The following GRAMD1B variants were observed in gnomAD, a reference collection of about 807,000 sequenced individuals.
GRAMD1B encodes the protein protein Aster-B.
Under a neutral mutation model 99.7 loss-of-function variants are expected in GRAMD1B, and 37 were observed. The observed-to-expected ratio is 0.37, with a 90% CI of 0.29 to 0.49. The LOEUF is 0.49. Ranked by LOEUF, GRAMD1B falls within the 20% of genes least tolerant of loss-of-function variation. The pLI, the probability that GRAMD1B is intolerant of heterozygous loss-of-function variation, is 0.98. For missense variants in GRAMD1B, 888 were observed against 1,009.2 expected (o/e 0.88, Z 1.63); for synonymous variants, 427 against 387.6 (o/e 1.10, Z -1.19).
At chr11:123,372,830 G>T (rs1261223393) in intron 1 of GRAMD1B, among the ~76,000 whole-genome samples, 1 of 152,178 alleles carries the variant, frequency 6.6e-6, no homozygotes, top group East Asian at 1.9e-4. Flanking sequence ...AACAGGCAGA[G>T]ATTTGTGTTA....
chr11:123,485,025 C>T (rs951211307), intron 2 of GRAMD1B, among the ~76,000 whole-genome samples: 1 of 152,286 alleles, frequency 6.6e-6, no homozygotes, highest in South Asian at 2.1e-4. Flanking sequence ...GGCGGCATTT[C>T]CTGCACTGGT....
rs1955410474 is a variant in GRAMD1B at position 123,624,910 on chromosome 11, G to A, written c.*2315G>A. Reference sequence around the variant, plus strand: ...TCAGGACCATTCCCAGGAGGAAAAGGTGGCAGAGAGGGCAGTACTGAGTAT... The same window carrying A: ...TCAGGACCATTCCCAGGAGGAAAAGATGGCAGAGAGGGCAGTACTGAGTAT... On this transcript the variant is annotated 3_prime_UTR_variant, in exon 20 of 20. Coordinates refer to ENST00000635736, the MANE Select transcript of GRAMD1B (RefSeq NM_001387025.1). 1 of 152,292 alleles carries A rather than the reference G, an allele frequency of 6.6e-6. No homozygotes were observed. Among genetic ancestry groups the A allele is most frequent in the South Asian group, 2.1e-4 (1 of 4,824 alleles). The allele number at this position is 152,292 out of a possible 1,614,324, so 9.4% of individuals were successfully genotyped here. A position where few individuals can be genotyped will look rare whatever the true frequency, so the allele number is the denominator to read the frequency against.
At chr11:123,604,929 T>C (rs1952500344) in intron 9 of GRAMD1B, among the ~76,000 whole-genome samples, 1 of 152,208 alleles carries the variant, frequency 6.6e-6, no homozygotes. Context: ...AGTCCTGTCT[T>C]CGTCACCGTT....
intron 1 of GRAMD1B, among the ~76,000 whole-genome samples, chr11:123,470,263 C>A (rs1419634632): frequency 6.6e-6 from 1 of 152,214 alleles, no homozygotes; most frequent in African/African-American, 2.4e-5. Context: ...ATCTCCAACT[C>A]ATCACACAAA....
chr11:123,510,566 C>T lies in GRAMD1B; in HGVS notation c.452+29673C>T, dbSNP rs1028943942. Among the ~76,000 whole-genome samples the T allele has an allele frequency of 6.6e-6, 1 of 152,150 alleles. No homozygotes were observed. The highest frequency in any genetic ancestry group is 1.5e-5 in the Non-Finnish European group (1 of 68,032). Reference sequence around the variant, plus strand: ...AGTGGAAATAGGTGTCTTATTTTCCCCAGCCTTCCAGAGGGGTGGTTTGTT... The same window carrying T: ...AGTGGAAATAGGTGTCTTATTTTCCTCAGCCTTCCAGAGGGGTGGTTTGTT... On this transcript the variant is annotated intron_variant, in intron 2 of 19. Coordinates refer to ENST00000635736, the MANE Select transcript of GRAMD1B (RefSeq NM_001387025.1). This position sits in a 1 kb window ranked among gnomAD's most constrained non-coding sequence, Gnocchi z 4.3.
In GRAMD1B at chr11:123,614,802, G is replaced by A. The variant is rs1954123025; in HGVS notation, c.2285G>A (p.Ser762Asn). Residue 762 changes from serine (S) to asparagine (N), a missense_variant, in exon 17 of 20, where the codon AGC becomes AAC. This residue lies in a region of GRAMD1B where 232 missense variants were observed against 261.7 expected (regional missense o/e 0.89). Coordinates refer to ENST00000635736, the MANE Select transcript of GRAMD1B (RefSeq NM_001387025.1). ...EDTPNGFHLQ[S>N]VSKLLLVISC... is the part of the protein sequence containing the mutation. ...ACCCCCAACGGTTTCCACCTGCAGA[G>A]CGTGTCCAAGCTGCTGCTGGTTATC... 1 of 1,611,726 alleles carries A rather than the reference G, an allele frequency of 6.2e-7. No homozygotes were observed. The highest frequency in any genetic ancestry group is 8.5e-7 in the Non-Finnish European group (1 of 1,177,974).
chr11:123,435,519 G>A, intron 1 of GRAMD1B: 1 of 689,252 alleles, frequency 1.5e-6, no homozygotes, highest in Admixed American at 2.1e-5. Flanking sequence ...CCCTAGGAAG[G>A]AAGAAGTGGA....
intron 2 of GRAMD1B, among the ~76,000 whole-genome samples, chr11:123,497,900 CA>C (rs34168499): frequency 0.22 from 24,044 of 110,158 alleles, 2,085 homozygotes; most frequent in African/African-American, 0.26. Flanking sequence ...GAATCTGTCT[CA>C]AAAAAAAAAA....
intron 1 of GRAMD1B, among the ~76,000 whole-genome samples, chr11:123,377,701 A>T (rs1349228558): frequency 6.6e-6 from 1 of 152,240 alleles, no homozygotes; most frequent in Non-Finnish European, 1.5e-5. Flanking sequence ...TGCAAGTAAC[A>T]TTCAGAAGAG....
intron 2 of GRAMD1B, among the ~76,000 whole-genome samples, chr11:123,493,104 A>G (rs1409564795): frequency 2.0e-5 from 3 of 152,196 alleles, no homozygotes; most frequent in Non-Finnish European, 4.4e-5. Flanking sequence ...ATGTGGTGCA[A>G]GGACAAGATT....
At chr11:123,620,342 C>A (rs144718115) in intron 19 of GRAMD1B, among the ~76,000 whole-genome samples, 1 of 151,878 alleles carries the variant, frequency 6.6e-6, no homozygotes, top group Non-Finnish European at 1.5e-5. Flanking sequence ...TGTATGGTGG[C>A]GCACACCTGT....
chr11:123,609,653 C>T (rs948463513), intron 12 of GRAMD1B, 142 bp from the exon 13 acceptor site: 11 of 596,356 alleles, frequency 1.8e-5, no homozygotes, highest in African/African-American at 9.3e-5. Flanking sequence ...ACCCTCCCCC[C>T]GGCCCTCGGG....
intron 9 of GRAMD1B, 117 bp from the exon 10 acceptor site, chr11:123,605,205 A>G (rs1478620032): frequency 1.5e-6 from 1 of 681,190 alleles, no homozygotes; most frequent in Non-Finnish European, 2.2e-6. Flanking sequence ...TCATACACAA[A>G]GCAAAGAAGC....
chr11:123,607,016 C>T (rs143851643), intron 11 of GRAMD1B, among the ~76,000 whole-genome samples: 7 of 152,226 alleles, frequency 4.6e-5, no homozygotes, highest in African/African-American at 1.4e-4. Context: ...GTCATTTAGT[C>T]TTGTCACTAA....
intron 2 of GRAMD1B, among the ~76,000 whole-genome samples, chr11:123,514,865 T>A (rs1941523303): frequency 6.6e-6 from 1 of 152,228 alleles, no homozygotes; most frequent in South Asian, 2.1e-4. Context: ...CTCTCCCCAC[T>A]AGACTGTGAG....
At chr11:123,612,298 T>A (rs1047800652) in intron 14 of GRAMD1B, among the ~76,000 whole-genome samples, 8 of 152,116 alleles carry the variant, frequency 5.3e-5, no homozygotes, top group African/African-American at 1.9e-4. Context: ...GTTAAAGTGA[T>A]AAAAACCCAG....
At chr11:123,461,572 G>T (rs574663186) in intron 1 of GRAMD1B, among the ~76,000 whole-genome samples, 1 of 152,330 alleles carries the variant, frequency 6.6e-6, no homozygotes, top group South Asian at 2.1e-4. Flanking sequence ...TTCTTCCCCA[G>T]CTGGTTGTTG....
chr11:123,518,196 G>A (rs1355601039), intron 2 of GRAMD1B, among the ~76,000 whole-genome samples: 1 of 152,194 alleles, frequency 6.6e-6, no homozygotes, highest in African/African-American at 2.4e-5. Flanking sequence ...AAGTGCAGCA[G>A]CAGAAGGGGT....
intron 2 of GRAMD1B, among the ~76,000 whole-genome samples, chr11:123,489,050 G>A (rs1326851420): frequency 6.6e-6 from 1 of 152,040 alleles, no homozygotes; most frequent in Non-Finnish European, 1.5e-5. Flanking sequence ...GCAGATTCAG[G>A]GGCCACTGGA....
Sources: allele counts gnomAD v4.1 joint callset (sites outside exome capture counted in the v4.1 genomes callset), GRCh38; gene constraint gnomAD v4.1.1; regional missense constraint gnomAD v4.1.1; non-coding constraint Gnocchi (gnomAD v3.1); transcripts MANE v1.5; gene names NCBI Gene and HGNC (gene_info 2026-07-23, HGNC 2026-07-21).